The following CDH8 variants were observed in gnomAD, a reference collection of about 807,000 sequenced individuals.
CDH8 encodes the protein cadherin-8.
CDH8 carries 17 observed loss-of-function variants against 68.1 expected under a neutral mutation model. That is an observed-to-expected ratio of 0.25 (90% CI 0.17 to 0.37). CDH8 has a LOEUF of 0.37. Among genes scored for constraint, CDH8 ranks in the 10% least tolerant of loss-of-function variants. The pLI, the probability that CDH8 is intolerant of heterozygous loss-of-function variation, is 1.00. For missense variants in CDH8, 763 were observed against 999.3 expected (o/e 0.76, Z 3.19); for synonymous variants, 372 against 365.1 (o/e 1.02, Z -0.21).
intron 9 of CDH8, among the ~76,000 whole-genome samples, chr16:61,723,120 CAG>C (rs1429046377): frequency 1.3e-5 from 2 of 150,628 alleles, no homozygotes; most frequent in African/African-American, 4.8e-5. Flanking sequence ...ATAGATCATC[CAG>C]AGAAAGTCAC....
chr16:61,792,810 A>G (rs1330450904), intron 7 of CDH8, among the ~76,000 whole-genome samples: 1 of 152,032 alleles, frequency 6.6e-6, no homozygotes, highest in East Asian at 1.9e-4. Flanking sequence ...GGTGTGCCAC[A>G]CTTTACCAAC....
intron 10 of CDH8, among the ~76,000 whole-genome samples, chr16:61,664,437 T>C (rs1963627276): frequency 1.3e-5 from 2 of 151,918 alleles, no homozygotes; most frequent in Non-Finnish European, 2.9e-5. Context: ...AATAAATAAA[T>C]GAATAAGTAA....
intron 3 of CDH8, 125 bp downstream of exon 3, chr16:61,901,054 T>TG (rs1963961139): frequency 1.1e-6 from 1 of 903,838 alleles, no homozygotes; most frequent in Admixed American, 2.6e-5. Context: ...AAGGGGGATT[T>TG]GGAAATGCAA....
chr16:62,000,459 A>G (rs1019062849), intron 2 of CDH8, among the ~76,000 whole-genome samples: 1 of 152,246 alleles, frequency 6.6e-6, no homozygotes, highest in African/African-American at 2.4e-5. Flanking sequence ...GGCTTAAGAC[A>G]GCTCATGCTG....
intron 2 of CDH8, among the ~76,000 whole-genome samples, chr16:62,004,104 A>C (rs1965935912): frequency 6.6e-6 from 1 of 152,214 alleles, no homozygotes; most frequent in African/African-American, 2.4e-5. Context: ...CGCTAATTGC[A>C]ATTTTTAAAA....
chr16:61,754,660 C>T (rs1432265672), intron 8 of CDH8, among the ~76,000 whole-genome samples: 1 of 152,082 alleles, frequency 6.6e-6, no homozygotes, highest in Non-Finnish European at 1.5e-5. Flanking sequence ...CATTACAATT[C>T]TTCCAGCCAT....
chr16:61,852,921 C>T (rs1962970912), intron 4 of CDH8, among the ~76,000 whole-genome samples: 1 of 149,638 alleles, frequency 6.7e-6, no homozygotes, highest in Non-Finnish European at 1.5e-5. Context: ...TTCCTTCCTT[C>T]CCTCTTTCCC....
At position 61,653,359 on chromosome 16, in the gene CDH8, A is replaced by G. The variant is rs1246734078; in HGVS notation, c.*249T>C. Reference sequence around the variant, plus strand: ...CTTTGTCTGTGGTGGTCAGGTAAATATCAAATATCCAAGGACTTCTAGACA... The same window carrying G: ...CTTTGTCTGTGGTGGTCAGGTAAATGTCAAATATCCAAGGACTTCTAGACA... On this transcript the variant is annotated 3_prime_UTR_variant, in exon 12 of 12. Transcript: ENST00000577390. 3 of 1,251,232 alleles carry G rather than the reference A, an allele frequency of 2.4e-6. No individual in the cohort carries two copies. Among genetic ancestry groups the G allele is most frequent in the Non-Finnish European group, 2.0e-6 (2 of 1,000,394 alleles). The allele number at this position is 1,251,232 out of a possible 1,614,324, so 77.5% of individuals were successfully genotyped here.
At chr16:62,024,510 G>A (rs1902149199) in intron 1 of CDH8, among the ~76,000 whole-genome samples, 1 of 152,126 alleles carries the variant, frequency 6.6e-6, no homozygotes, top group South Asian at 2.1e-4. Context: ...AAGCAGCAAT[G>A]AGGATGGACT....
intron 2 of CDH8, among the ~76,000 whole-genome samples, chr16:61,936,470 C>A: frequency 6.6e-6 from 1 of 152,056 alleles, no homozygotes; most frequent in East Asian, 1.9e-4. Context: ...AGTTTTCTAA[C>A]AAGATTAAAA....
chr16:62,029,610 C>A (rs780232469), intron 1 of CDH8, among the ~76,000 whole-genome samples: 1 of 152,306 alleles, frequency 6.6e-6, no homozygotes, highest in Non-Finnish European at 1.5e-5. Flanking sequence ...AGAGTACAAG[C>A]ACTACCTGTT....
chr16:61,901,555 T>G, intron 2 of CDH8, 82 bp from the exon 3 acceptor site: 1 of 968,812 alleles, frequency 1.0e-6, no homozygotes, highest in Non-Finnish European at 1.6e-6. Context: ...GAATATTAAG[T>G]TGGTTCTTTT....
intron 4 of CDH8, among the ~76,000 whole-genome samples, chr16:61,830,283 G>C (rs1962426974): frequency 6.6e-6 from 1 of 151,744 alleles, no homozygotes; most frequent in Admixed American, 6.6e-5. Flanking sequence ...ACCTAATACA[G>C]AGCACAAAAT....
At chr16:61,770,228 T>A (rs1416240502) in intron 8 of CDH8, among the ~76,000 whole-genome samples, 1 of 151,934 alleles carries the variant, frequency 6.6e-6, no homozygotes, top group African/African-American at 2.4e-5. Context: ...TGGGATTAAG[T>A]AGCATCTTAA....
chr16:61,703,277 G>A (rs1482032670), intron 10 of CDH8, among the ~76,000 whole-genome samples: 2 of 152,100 alleles, frequency 1.3e-5, no homozygotes, highest in African/African-American at 4.8e-5. Context: ...AATATAGGGA[G>A]ATAGTTTTTT....
At chr16:61,996,011 A>C (rs1427290590) in intron 2 of CDH8, among the ~76,000 whole-genome samples, 1 of 152,226 alleles carries the variant, frequency 6.6e-6, no homozygotes, top group Non-Finnish European at 1.5e-5. Context: ...CATGCTGAAA[A>C]GATAGTCCGG....
intron 8 of CDH8, among the ~76,000 whole-genome samples, chr16:61,733,121 C>T (rs1417437911): frequency 6.6e-6 from 1 of 151,676 alleles, no homozygotes; most frequent in Non-Finnish European, 1.5e-5. Context: ...TCAGTGATAT[C>T]ACAAAATAGG....
At chr16:61,862,612 G>A (rs1000846987) in intron 3 of CDH8, among the ~76,000 whole-genome samples, 3 of 152,204 alleles carry the variant, frequency 2.0e-5, no homozygotes, top group Admixed American at 1.3e-4. Flanking sequence ...TGATGCACCT[G>A]TACACTGGAA....
chr16:61,975,290 C>A (rs1965416977), intron 2 of CDH8, among the ~76,000 whole-genome samples: 1 of 152,056 alleles, frequency 6.6e-6, no homozygotes, highest in South Asian at 2.1e-4. Flanking sequence ...ATCCTCCTGC[C>A]AAGAGAAAGG....
Sources: gnomAD v4.1 joint callset for allele counts (sites outside exome capture counted in the v4.1 genomes callset) on GRCh38, gnomAD v4.1.1 for gene constraint, MANE v1.5 for transcripts, NCBI Gene and HGNC (gene_info 2026-07-23, HGNC 2026-07-21) for gene names.